Variants in CKB observed in about 807,000 individuals in gnomAD.
CKB encodes creatine kinase B-type.
In CKB, 15 loss-of-function variants were observed where a neutral mutation model predicts 36.9. The observed-to-expected ratio is 0.41, with a 90% CI of 0.27 to 0.63. The LOEUF is 0.63. Among genes scored for constraint, CKB ranks in the 20% least tolerant of loss-of-function variants. The pLI, the probability that CKB is intolerant of heterozygous loss-of-function variation, is 0.34. For missense variants in CKB, 413 were observed against 534.9 expected (o/e 0.77, Z 2.25); for synonymous variants, 250 against 228.2 (o/e 1.10, Z -0.86).
chr14:103,521,433 G>A lies in CKB; in HGVS notation c.483C>T (p.Ala161=), dbSNP rs2075900352. The A allele has an allele frequency of 6.3e-7, 1 of 1,589,778 alleles. No homozygotes were observed. Among genetic ancestry groups the A allele is most frequent in the Non-Finnish European group, 8.5e-7 (1 of 1,174,892 alleles). Reference sequence around the variant, plus strand: ...CCAGGTCGCCGTCCAGGCTGGACAGGGCTGCGAGGGGTGCGCTCAGGACGC... The same window carrying A: ...CCAGGTCGCCGTCCAGGCTGGACAGAGCTGCGAGGGGTGCGCTCAGGACGC... ...RRAIEKLAVE[A]LSSLDGDLAG... is the part of the protein sequence containing the mutation. The change falls in exon 5 of 8, where the codon GCC becomes GCT. Residue 161 remains alanine (A), a splice_region_variant and synonymous_variant. Transcript: ENST00000348956.
Position 103,520,478 on chromosome 14 carries a change from G to A in CKB, c.768C>T (p.Gly256=). 6.2e-7 allele frequency: 1 copy of A among 1,601,394 alleles called. No homozygotes were observed. The highest frequency in any genetic ancestry group is 8.5e-7 in the Non-Finnish European group (1 of 1,173,850). The change falls in exon 6 of 8, where the codon GGC becomes GGT. Residue 256 remains glycine, a synonymous_variant. Coordinates refer to ENST00000348956, the MANE Select transcript of CKB (RefSeq NM_001823.5). The part of the protein sequence containing the change: ...MKEVFTRFCT[G]LTQIETLFKS... ...GCCCCGTCCCTGGCACCTGGGTGAG[G>A]CCGGTGCAGAAGCGGGTGAACACCT...
Position 103,520,455 on chromosome 14 carries a change from C to G in CKB, c.777+14G>C. ...CTGGGGCCCTGGGGTCTGGGCCTGC[C>G]CCGTCCCTGGCACCTGGGTGAGGCC... On this transcript the variant is annotated intron_variant, in intron 6 of 7. Coordinates refer to ENST00000348956, the MANE Select transcript of CKB (RefSeq NM_001823.5). 1 of 1,597,804 alleles carries G rather than the reference C, an allele frequency of 6.3e-7. No individual in the cohort carries two copies. The highest frequency in any genetic ancestry group is 8.5e-7 in the Non-Finnish European group (1 of 1,171,934).
Position 103,519,750 on chromosome 14 carries a change from C to T in CKB, c.*114G>A, listed in dbSNP as rs2075885804. The T allele has an allele frequency of 8.2e-7, 1 of 1,215,356 alleles. No homozygotes were observed. Among genetic ancestry groups the T allele is most frequent in the Non-Finnish European group, 1.1e-6 (1 of 877,996 alleles). 75.3% of individuals were successfully genotyped at this position (1,215,356 alleles called of 1,614,324 possible). A position where few individuals can be genotyped will look rare whatever the true frequency, so the allele number is the denominator to read the frequency against. On this transcript the variant is annotated 3_prime_UTR_variant, in exon 8 of 8. Coordinates refer to ENST00000348956, the MANE Select transcript of CKB (RefSeq NM_001823.5). The stretch of plus-strand genomic sequence containing the variant: ...AAACTCTACCAAGGGTGACGGAAGT[C>T]TCTACAGCAAGGCTAAGGGCTCGCC...
In CKB at chr14:103,521,719, G is replaced by A. The variant is rs551508322; in HGVS notation, c.481+99C>T. 4.1e-5 allele frequency: 52 copies of A among 1,254,712 alleles called. No individual in the cohort carries two copies. The African/African-American group carries it at 7.6e-4, about 18-fold the overall frequency. 77.7% of individuals were successfully genotyped at this position (1,254,712 alleles called of 1,614,324 possible). On this transcript the variant is annotated intron_variant, in intron 4 of 7. Transcript: ENST00000348956. ...GGGCGCGCGCAGATAAGAGCGCGACGGCGGCTGCCGCTCCCGGGCGACGTA... is the reference window on the plus strand; with the variant it reads ...GGGCGCGCGCAGATAAGAGCGCGACAGCGGCTGCCGCTCCCGGGCGACGTA...
rs2075908258 is a variant in CKB at position 103,522,275 on chromosome 14, GA to G, written c.193+25del. Reference sequence around the variant, plus strand: ...GCTGCGCGGGGGGAGGGGGGGCCGGGACCCCGGCCCCGAGGGGTCGCGTACC... The same window carrying G: ...GCTGCGCGGGGGGAGGGGGGGCCGGGCCCCGGCCCCGAGGGGTCGCGTACC... On this transcript the variant is annotated intron_variant, in intron 2 of 7. Transcript: ENST00000348956. This position sits in a 1 kb window ranked among gnomAD's most constrained non-coding sequence, Gnocchi z 6.7. 1.3e-6 allele frequency: 2 copies of G among 1,585,738 alleles called. 1 individual carries two copies.
intron 6 of CKB, 65 bp from the exon 7 acceptor site, chr14:103,520,376 C>A: frequency 6.3e-7 from 1 of 1,585,722 alleles, no homozygotes. Context: ...CCCTGAGACT[C>A]CCCAGTGCCG....
At position 103,521,898 on chromosome 14, in the gene CKB, C is replaced by T; in HGVS notation, c.401G>A (p.Gly134Asp). The T allele has an allele frequency of 6.4e-7, 1 of 1,573,624 alleles. No homozygotes were observed. The highest frequency in any genetic ancestry group is 1.1e-5 in the South Asian group (1 of 87,082). ...GAGGCAGAAGCCACGGATGCTGCGG[C>T]CCGTGCGCACCCGCGAGCTCAGCAC... ...NYVLSSRVRT[G>D]RSIRGFCLPP... The change falls in exon 4 of 8, where the codon GGC (glycine) becomes GAC (aspartate). Residue 134 changes from glycine to aspartate, a missense_variant. Coordinates refer to ENST00000348956, the MANE Select transcript of CKB (RefSeq NM_001823.5).
At chr14:103,521,989 G>GCCCCCCCCCCCCCCCCC in intron 3 of CKB, 34 bp downstream of exon 3, 1 of 1,542,800 alleles carries the variant, frequency 6.5e-7, no homozygotes, top group Non-Finnish European at 8.7e-7. Flanking sequence ...GAAGACCCCG[G>GCCCCCCCCCCCCCCCCC]CCCCGCCCGC....
At position 103,522,413 on chromosome 14, in the gene CKB, G is replaced by C; in HGVS notation, c.81C>G (p.Asn27Lys). Residue 27 changes from asparagine (N) to lysine (K), a missense_variant, in exon 2 of 8, where the codon AAC (asparagine) becomes AAG (lysine). Physicochemically the swap from Asn to Lys is moderately conservative, Grantham distance 94 (BLOSUM62 0). Coordinates refer to ENST00000348956, the MANE Select transcript of CKB (RefSeq NM_001823.5). This position sits in a 1 kb window ranked among gnomAD's most constrained non-coding sequence, Gnocchi z 6.7. Reference protein sequence around the residue: ...EDEFPDLSAHNNHMAKVLTPE... With the variant: ...EDEFPDLSAHKNHMAKVLTPE... ...GGGTCAGCACCTTGGCCATGTGGTT[G>C]TTGTGGGCGCTCAGGTCGGGGAACT... The C allele has an allele frequency of 6.2e-7, 1 of 1,609,994 alleles. No individual in the cohort carries two copies. The highest frequency in any genetic ancestry group is 8.5e-7 in the Non-Finnish European group (1 of 1,178,736).
rs748768637 is a variant in CKB, at chr14:103,522,386, G to C, written c.108C>G (p.Pro36=). The C allele has an allele frequency of 3.7e-6, 6 of 1,611,440 alleles. No homozygotes were observed. The highest frequency in any genetic ancestry group is 5.1e-6 in the Non-Finnish European group (6 of 1,179,240). ...HNNHMAKVLT[P]ELYAELRAKS... is the part of the protein sequence containing the mutation. Reference sequence around the variant, plus strand: ...TGGCGCGCAGCTCCGCGTACAGCTCGGGGGTCAGCACCTTGGCCATGTGGT... The same window carrying C: ...TGGCGCGCAGCTCCGCGTACAGCTCCGGGGTCAGCACCTTGGCCATGTGGT... Residue 36 remains proline, a synonymous_variant, in exon 2 of 8, where the codon CCC becomes CCG. Transcript: ENST00000348956. This position sits in a 1 kb window ranked among gnomAD's most constrained non-coding sequence, Gnocchi z 6.7.
At chr14:103,520,885 C>T (rs564827226) in intron 5 of CKB, among the ~76,000 whole-genome samples, 1 of 152,266 alleles carries the variant, frequency 6.6e-6, no homozygotes, top group South Asian at 2.1e-4. Context: ...CCTGGAGAAG[C>T]TTTGGCGTCA....
chr14:103,520,894 C>T (rs777800771), intron 5 of CKB, among the ~76,000 whole-genome samples: 2 of 152,172 alleles, frequency 1.3e-5, no homozygotes, highest in Non-Finnish European at 2.9e-5. Context: ...GCTTTGGCGT[C>T]ACCAGCCCCT....
intron 5 of CKB, 125 bp from the exon 6 acceptor site, chr14:103,520,717 A>C: frequency 7.5e-7 from 1 of 1,339,080 alleles, no homozygotes; most frequent in Non-Finnish European, 9.9e-7. Context: ...GCTGCTGCCA[A>C]GACTCCACCC....
chr14:103,520,789 C>A (rs1396811963), intron 5 of CKB, 197 bp from the exon 6 acceptor site: 6 of 766,724 alleles, frequency 7.8e-6, no homozygotes, highest in Non-Finnish European at 1.2e-5. Flanking sequence ...CAGCTGCCAT[C>A]ATGCGCTGTG....
In CKB at chr14:103,521,475, C is replaced by T. The variant is rs1035441563; in HGVS notation, c.482-41G>A. Reference sequence around the variant, plus strand: ...TCAGGACGCTCGGCTCCCGCGCCCGCCCCTCCAGCCCGCAGCGCGGACCCG... The same window carrying T: ...TCAGGACGCTCGGCTCCCGCGCCCGTCCCTCCAGCCCGCAGCGCGGACCCG... On this transcript the variant is annotated intron_variant, in intron 4 of 7. Transcript: ENST00000348956. 4.1e-6 allele frequency: 6 copies of T among 1,458,392 alleles called. No individual in the cohort carries two copies. The South Asian group carries it at 5.5e-5, about 13-fold the overall frequency. The allele number at this position is 1,458,392 out of a possible 1,614,324, so 90.3% of individuals were successfully genotyped here. A position where few individuals can be genotyped will look rare whatever the true frequency, so the allele number is the denominator to read the frequency against.
chr14:103,521,002 C>T (rs2075896191), intron 5 of CKB: 1 of 605,164 alleles, frequency 1.7e-6, no homozygotes, highest in East Asian at 2.9e-5. Context: ...GCCCCCACCT[C>T]ACGTCTCGGG....
intron 4 of CKB, 52 bp from the exon 5 acceptor site, chr14:103,521,486 C>T: frequency 7.0e-7 from 1 of 1,432,574 alleles, no homozygotes; most frequent in Non-Finnish European, 9.1e-7. Flanking sequence ...CCCTCCAGCC[C>T]GCAGCGCGGA....
Position 103,521,910 on chromosome 14 carries a change from C to A in CKB, c.389G>T (p.Arg130Leu). ...ACGGATGCTGCGGCCCGTGCGCACC[C>A]GCGAGCTCAGCACGTAGTTGGGGTC... Reference protein sequence around the residue: ...DLDPNYVLSSRVRTGRSIRGF... With the variant: ...DLDPNYVLSSLVRTGRSIRGF... The change falls in exon 4 of 8, where the codon CGG (arginine) becomes CTG (leucine). Residue 130 changes from arginine (R) to leucine (L), a missense_variant. Transcript: ENST00000348956. 6.3e-7 allele frequency: 1 copy of A among 1,578,244 alleles called. No homozygotes were observed. The highest frequency in any genetic ancestry group is 8.5e-7 in the Non-Finnish European group (1 of 1,170,882).
Position 103,519,789 on chromosome 14 carries a change from CAG to C in CKB, c.*73_*74del, listed in dbSNP as rs1045921205. The stretch of plus-strand genomic sequence containing the variant: ...TAAGGGCTCGCCAGACGGCGAACAT[CAG>C]GGGTGCATGGTGGGCACTGCCCAGG... On this transcript the variant is annotated 3_prime_UTR_variant, in exon 8 of 8. Coordinates refer to ENST00000348956, the MANE Select transcript of CKB (RefSeq NM_001823.5). 7.3e-6 allele frequency: 11 copies of C among 1,501,828 alleles called. No individual in the cohort carries two copies. The Admixed American group carries it at 1.8e-4, about 24-fold the overall frequency. The allele number at this position is 1,501,828 out of a possible 1,614,324, so 93.0% of individuals were successfully genotyped here. A position where few individuals can be genotyped will look rare whatever the true frequency, so the allele number is the denominator to read the frequency against.
Sources: gnomAD v4.1 joint callset for allele counts (sites outside exome capture counted in the v4.1 genomes callset) on GRCh38, gnomAD v4.1.1 for gene constraint, Gnocchi (gnomAD v3.1) non-coding constraint, MANE v1.5 for transcripts, NCBI Gene and HGNC (gene_info 2026-07-23, HGNC 2026-07-21) for gene names.